Variants in GLI2 observed in about 807,000 individuals in gnomAD.
The protein encoded by GLI2 is GLI family zinc finger 2, also known as transcription activator GLI2.
A neutral mutation model predicts 78.9 loss-of-function variants in GLI2; 22 were observed. The observed-to-expected ratio is 0.28, with a 90% CI of 0.20 to 0.40. The LOEUF (loss-of-function observed/expected upper bound fraction) is 0.40. Among genes scored for constraint, GLI2 ranks in the 10% least tolerant of loss-of-function variants. GLI2 has a pLI of 1.00. For synonymous variants in GLI2, 974 were observed against 963.7 expected, an observed-to-expected ratio of 1.01 and a Z score of -0.20; for missense variants, 2,097 against 2,213.2, an observed-to-expected ratio of 0.95 and a Z score of 1.05.
At chr2:120,772,482 C>T (rs1156991478) in intron 1 of GLI2, among the ~76,000 whole-genome samples, 1 of 152,206 alleles carries the variant, frequency 6.6e-6, no homozygotes, top group Non-Finnish European at 1.5e-5. Flanking sequence ...CCAGCATCAT[C>T]AATGGCAGAG....
chr2:120,887,347 G>C (rs1677462142), intron 2 of GLI2, among the ~76,000 whole-genome samples: 1 of 152,230 alleles, frequency 6.6e-6, no homozygotes, highest in Non-Finnish European at 1.5e-5. Context: ...CACCAAATTA[G>C]ATCAATTCCA....
chr2:120,796,591 G>A (rs1001058096), intron 1 of GLI2, among the ~76,000 whole-genome samples: 1 of 152,162 alleles, frequency 6.6e-6, no homozygotes, highest in Non-Finnish European at 1.5e-5. Flanking sequence ...GCCTGGCAGC[G>A]CTGCCCCGCT....
At chr2:120,756,422 G>A (rs1453178742) in intron 1 of GLI2, among the ~76,000 whole-genome samples, 2 of 152,062 alleles carry the variant, frequency 1.3e-5, no homozygotes, top group Non-Finnish European at 2.9e-5. Context: ...TGTAGATTTT[G>A]TCAGATTTTA....
At chr2:120,985,682 A>T (rs1023291155) in intron 12 of GLI2, among the ~76,000 whole-genome samples, 3 of 152,100 alleles carry the variant, frequency 2.0e-5, no homozygotes, top group Non-Finnish European at 2.9e-5. Context: ...AGTTCTGTGG[A>T]TGTCGTCCGA....
intron 5 of GLI2, among the ~76,000 whole-genome samples, chr2:120,962,428 T>A (rs1681613953): frequency 1.3e-5 from 2 of 152,168 alleles, no homozygotes; most frequent in Non-Finnish European, 2.9e-5. Flanking sequence ...CCCCATGATG[T>A]CCAATCAATG....
chr2:120,922,447 G>A (rs371968181), intron 2 of GLI2, among the ~76,000 whole-genome samples: 1 of 152,186 alleles, frequency 6.6e-6, no homozygotes, highest in Non-Finnish European at 1.5e-5. Context: ...TGCATGCTGG[G>A]TGCTGGGCTG....
intron 10 of GLI2, among the ~76,000 whole-genome samples, chr2:120,981,053 G>A (rs1030160147): frequency 3.9e-5 from 6 of 152,060 alleles, no homozygotes; most frequent in African/African-American, 1.4e-4. Context: ...CTAATTTTTT[G>A]TATTTTTAGT....
chr2:120,817,911 G>A (rs1048332054), intron 2 of GLI2, among the ~76,000 whole-genome samples: 6 of 152,182 alleles, frequency 3.9e-5, no homozygotes, highest in Non-Finnish European at 5.9e-5. Context: ...GGATCCGCAC[G>A]GGACCTTCTG....
At chr2:120,826,840 C>T (rs541971248) in intron 2 of GLI2, among the ~76,000 whole-genome samples, 11 of 152,308 alleles carry the variant, frequency 7.2e-5, no homozygotes, top group South Asian at 2.1e-4. Context: ...GTTTCAGATC[C>T]GCCTGGGCAA....
intron 3 of GLI2, among the ~76,000 whole-genome samples, chr2:120,929,972 G>A (rs1439208176): frequency 1.3e-5 from 2 of 152,220 alleles, no homozygotes; most frequent in Non-Finnish European, 2.9e-5. Context: ...TATTTGGGAG[G>A]GGGTTGCTGT....
chr2:120,780,728 G>A (rs1683821454), intron 1 of GLI2, among the ~76,000 whole-genome samples: 2 of 152,248 alleles, frequency 1.3e-5, no homozygotes, highest in Non-Finnish European at 2.9e-5. Flanking sequence ...AAGTGGCAGA[G>A]CCAGTCCTGG....
intron 1 of GLI2, among the ~76,000 whole-genome samples, chr2:120,777,473 T>A (rs2104665682): frequency 6.6e-6 from 1 of 151,690 alleles, no homozygotes; most frequent in South Asian, 2.1e-4. Context: ...GTGGATATGC[T>A]GACCTGACAT....
At chr2:120,780,955 T>C (rs945457708) in intron 1 of GLI2, among the ~76,000 whole-genome samples, 5 of 152,174 alleles carry the variant, frequency 3.3e-5, no homozygotes, top group African/African-American at 9.7e-5. Context: ...CCAGCTGCCC[T>C]GGGGCTGTGA....
intron 2 of GLI2, among the ~76,000 whole-genome samples, chr2:120,848,134 C>G (rs956496121): frequency 2.6e-5 from 4 of 152,174 alleles, no homozygotes; most frequent in African/African-American, 9.7e-5. Flanking sequence ...CCGCGCAGCG[C>G]GCACCTGAGC....
rs975659614 is a variant in GLI2, at chr2:120,737,717, G to A, written c.-31+1432G>A. 3.9e-5 allele frequency among the ~76,000 whole-genome samples: 6 copies of A among 152,230 alleles called. No individual in the cohort carries two copies. The highest frequency in any genetic ancestry group is 5.9e-5 in the Non-Finnish European group (4 of 68,038). ...GGGAGCAGTTGTAAAACGCTCATAGGCTGTTTGCAGACGAGGCTCTGGGGG... is the reference window on the plus strand; with the variant it reads ...GGGAGCAGTTGTAAAACGCTCATAGACTGTTTGCAGACGAGGCTCTGGGGG... On this transcript the variant is annotated intron_variant, in intron 1 of 13. Transcript: ENST00000361492. This position sits in a 1 kb window ranked among gnomAD's most constrained non-coding sequence, Gnocchi z 4.3.
intron 10 of GLI2, among the ~76,000 whole-genome samples, chr2:120,981,693 G>GGCGGTTTTCATACATCCATTCAAT (rs1363781394): frequency 1.3e-5 from 2 of 152,128 alleles, no homozygotes; most frequent in African/African-American, 4.8e-5. Context: ...TCCTCCTGAG[G>GGCGGTTTTCATACATCCATTCAAT]GCGGTTTTCA....
intron 1 of GLI2, among the ~76,000 whole-genome samples, chr2:120,785,712 A>G (rs903566726): frequency 3.3e-5 from 5 of 152,186 alleles, no homozygotes; most frequent in South Asian, 2.1e-4. Context: ...GCTTGGATCC[A>G]TGCACTTGGA....
chr2:120,965,276 C>T (rs1413567497), intron 5 of GLI2, among the ~76,000 whole-genome samples: 3 of 149,764 alleles, frequency 2.0e-5, no homozygotes, highest in Admixed American at 2.0e-4. Flanking sequence ...CAGAGGGGCA[C>T]ACTCCAGCCG....
chr2:120,752,717 AGTTTTTTGT>A (rs1436434521), intron 1 of GLI2, among the ~76,000 whole-genome samples: 1 of 152,180 alleles, frequency 6.6e-6, no homozygotes, highest in African/African-American at 2.4e-5. Context: ...CAAGAATGCT[AGTTTTTTGT>A]GTATCCTTCC....
Sources: gnomAD v4.1 joint callset for allele counts (sites outside exome capture counted in the v4.1 genomes callset) on GRCh38, gnomAD v4.1.1 for gene constraint, Gnocchi (gnomAD v3.1) non-coding constraint, MANE v1.5 for transcripts, NCBI Gene and HGNC (gene_info 2026-07-23, HGNC 2026-07-21) for gene names.